PLAAT1: variants seen among roughly 807,000 people sequenced by gnomAD.
PLAAT1 encodes the protein phospholipase A and acyltransferase 1.
In PLAAT1, 13 loss-of-function variants were observed where a neutral mutation model predicts 16.4. The observed-to-expected ratio is 0.79, with a 90% CI of 0.52 to 1.26. The LOEUF is 1.26. PLAAT1 is among the 50% of genes most tolerant of loss of function. The probability of loss-of-function intolerance (pLI) is 0.00; values close to 1 mark genes in which losing one functional copy is unlikely to be tolerated. For synonymous variants in PLAAT1, 73 were observed against 78.4 expected (o/e 0.93, Z 0.36); for missense variants, 218 against 207.8 (o/e 1.05, Z -0.30).
At chr3:193,249,739 C>G (rs537545535) in intron 1 of PLAAT1, among the ~76,000 whole-genome samples, 1 of 152,054 alleles carries the variant, frequency 6.6e-6, no homozygotes, top group South Asian at 2.1e-4. Flanking sequence ...GACCCGTATT[C>G]AAGTTTGCTA....
intron 2 of PLAAT1, among the ~76,000 whole-genome samples, chr3:193,262,232 G>A (rs145494306): frequency 1.2e-3 from 178 of 152,290 alleles, no homozygotes; most frequent in Admixed American, 2.2e-3. Context: ...GGCAGCCAAG[G>A]TGGAGTGGTA....
At chr3:193,271,693 T>C (rs969135346), downstream of PLAAT1, among the ~76,000 whole-genome samples, 9 of 152,142 alleles carry the variant, frequency 5.9e-5, no homozygotes, top group South Asian at 2.1e-4. Flanking sequence ...TCTTATGCTA[T>C]CATCAAAAGC....
chr3:193,249,129 G>A (rs1045182289), intron 1 of PLAAT1, among the ~76,000 whole-genome samples: 1 of 151,904 alleles, frequency 6.6e-6, no homozygotes, highest in Non-Finnish European at 1.5e-5. Context: ...TTAGCTCTTT[G>A]ACCATATCTT....
intron 2 of PLAAT1, among the ~76,000 whole-genome samples, chr3:193,258,827 G>A (rs1156587125): frequency 6.6e-6 from 1 of 152,040 alleles, no homozygotes; most frequent in Non-Finnish European, 1.5e-5. Context: ...TCCAGGAGGT[G>A]TACAAAGAAC....
At chr3:193,246,708 A>G (rs2108779471) in intron 1 of PLAAT1, among the ~76,000 whole-genome samples, 1 of 152,298 alleles carries the variant, frequency 6.6e-6, no homozygotes, top group Middle Eastern at 3.4e-3. Context: ...CATCCCTGGG[A>G]TAAGTCCCAC....
downstream of PLAAT1, chr3:193,279,324 T>G (rs772368102): frequency 7.0e-7 from 1 of 1,430,580 alleles, no homozygotes; most frequent in Non-Finnish European, 9.9e-7. Context: ...ACATGGTCCA[T>G]GTACATGAGT....
chr3:193,257,361 C>A (rs1716416359), intron 2 of PLAAT1, among the ~76,000 whole-genome samples: 1 of 152,100 alleles, frequency 6.6e-6, no homozygotes, highest in South Asian at 2.1e-4. Context: ...ATAACAGCAT[C>A]CATAACAGCC....
chr3:193,254,019 G>A (rs1166512529), intron 1 of PLAAT1, among the ~76,000 whole-genome samples: 2 of 152,098 alleles, frequency 1.3e-5, no homozygotes, highest in Non-Finnish European at 2.9e-5. Flanking sequence ...TGGGAAATGT[G>A]TTTGTTTATA....
At chr3:193,270,904 G>GGA, downstream of PLAAT1, 1 of 1,164,498 alleles carries the variant, frequency 8.6e-7, no homozygotes, top group Non-Finnish European at 1.1e-6. Context: ...GATGTACTGT[G>GGA]GCAGCTTGAA....
rs150917197 is a variant in PLAAT1, at chr3:193,251,224, T to C, written c.1-4427T>C. Among the ~76,000 whole-genome samples, 729 of 152,262 alleles carry C rather than the reference T, an allele frequency of 4.8e-3. 7 individuals carry two copies. The highest frequency in any genetic ancestry group is 0.024 in the Middle Eastern group (7 of 294). ...CAGGAGCAAACCAGGCAAGAAAGCA[T>C]GTTCTTGCTGGCAGAGGCCTCCAGC... On this transcript the variant is annotated intron_variant, in intron 1 of 3. Transcript: ENST00000264735.
chr3:193,253,858 T>C (rs1234774276), intron 1 of PLAAT1, among the ~76,000 whole-genome samples: 1 of 152,148 alleles, frequency 6.6e-6, no homozygotes, highest in African/African-American at 2.4e-5. Context: ...ATGTTTTTTC[T>C]TTTTTTCAAT....
chr3:193,242,562 G>T (rs1464221942), intron 1 of PLAAT1, among the ~76,000 whole-genome samples: 1 of 152,174 alleles, frequency 6.6e-6, no homozygotes, highest in East Asian at 1.9e-4. Context: ...AGAATGTAGA[G>T]ATTAATAAGG....
In PLAAT1 at chr3:193,263,251, G is replaced by A; in HGVS notation, c.405+16G>A. The A allele has an allele frequency of 1.2e-6, 2 of 1,609,218 alleles. No homozygotes were observed. Among genetic ancestry groups the A allele is most frequent in the Non-Finnish European group, 1.7e-6 (2 of 1,176,770 alleles). On this transcript the variant is annotated intron_variant, in intron 3 of 3. Coordinates refer to ENST00000264735, the MANE Select transcript of PLAAT1 (RefSeq NM_020386.5). ...TTCAGAGCAGGTAAGTTTTCTTTAG[G>A]AGATATTCTTACATTGAGAAAAGAA...
chr3:193,276,110 C>CGAGATAAAGAGTATGAGAAAT (rs1166130732), intron 2 of PLAAT1, among the ~76,000 whole-genome samples: 13 of 152,232 alleles, frequency 8.5e-5, no homozygotes, highest in African/African-American at 3.1e-4. Flanking sequence ...ATGGAATCCC[C>CGAGATAAAGAGTATGAGAAAT]TTTAAACATA....
chr3:193,265,907 A>G (rs926435112), intron 3 of PLAAT1, among the ~76,000 whole-genome samples: 3 of 152,158 alleles, frequency 2.0e-5, no homozygotes, highest in African/African-American at 7.2e-5. Context: ...TTTGTTAATG[A>G]CAAAGTTGTT....
At chr3:193,280,304 G>T (rs557798566), downstream of PLAAT1, among the ~76,000 whole-genome samples, 1 of 151,978 alleles carries the variant, frequency 6.6e-6, no homozygotes, top group African/African-American at 2.4e-5. Flanking sequence ...CACCCGCCTC[G>T]GCCTCCCAAA....
At chr3:193,258,491 T>A (rs59375724) in intron 2 of PLAAT1, among the ~76,000 whole-genome samples, 137,077 of 151,820 alleles carry the variant, frequency 0.9, 62,105 homozygotes, top group East Asian at 0.98. Flanking sequence ...AAAGGATAAA[T>A]GATTGATAGA....
downstream of PLAAT1, chr3:193,274,961 G>A (rs73196871): frequency 0.033 from 50,584 of 1,541,474 alleles, 989 homozygotes; most frequent in Non-Finnish European, 0.039. Flanking sequence ...AAGGTAAGGG[G>A]AGAGTATCAT....
At chr3:193,280,143 C>T (rs1717419471), downstream of PLAAT1, among the ~76,000 whole-genome samples, 1 of 152,068 alleles carries the variant, frequency 6.6e-6, no homozygotes. Flanking sequence ...CTCCGCCTCC[C>T]TGGTTCAAGC....
Sources: gnomAD v4.1 joint callset for allele counts (sites outside exome capture counted in the v4.1 genomes callset) on GRCh38, gnomAD v4.1.1 for gene constraint, MANE v1.5 for transcripts, NCBI Gene and HGNC (gene_info 2026-07-23, HGNC 2026-07-21) for gene names.